HMGCLL1: variants seen among roughly 807,000 people sequenced by gnomAD.
HMGCLL1 encodes 3-hydroxy-3-methylglutaryl-CoA lyase like 1.
HMGCLL1 carries 36 observed loss-of-function variants against 39.1 expected under a neutral mutation model. The ratio of observed to expected loss-of-function variants is 0.92; its 90% CI spans 0.71 to 1.22. The LOEUF (loss-of-function observed/expected upper bound fraction) is 1.22. Ranked by LOEUF, HMGCLL1 falls within the 50% of genes most tolerant of loss-of-function variation. The pLI is 0.00. For synonymous variants in HMGCLL1, 149 were observed against 144.0 expected, an observed-to-expected ratio of 1.03 and a Z score of -0.25; for missense variants, 451 against 416.5, an observed-to-expected ratio of 1.08 and a Z score of -0.72.
At chr6:55,673,388 T>C in the HMGCLL1 span, among the ~76,000 whole-genome samples, 7 of 151,900 alleles carry the variant, frequency 4.6e-5, 1 homozygote, top group African/African-American at 1.4e-4. Context: ...ATGCTCTCCC[T>C]GTGTCCAATG....
At chr6:55,544,199 T>C (rs1769821031) in intron 1 of HMGCLL1, among the ~76,000 whole-genome samples, 1 of 152,258 alleles carries the variant, frequency 6.6e-6, no homozygotes. Flanking sequence ...GCAAATGGTC[T>C]GGTTTCTGAA....
At chr6:55,478,086 T>C (rs906193351) in intron 7 of HMGCLL1, among the ~76,000 whole-genome samples, 1 of 98,292 alleles carries the variant, frequency 1.0e-5, no homozygotes, top group Non-Finnish European at 2.5e-5. Flanking sequence ...AGTGAGGTTC[T>C]GTTTTTTTTT....
At chr6:55,646,095 T>C in the HMGCLL1 span, among the ~76,000 whole-genome samples, 17,027 of 151,886 alleles carry the variant, frequency 0.11, 1,133 homozygotes, top group East Asian at 0.17. Flanking sequence ...TGTTCAGGTA[T>C]TGGATTTATT....
chr6:55,597,283 A>G, the HMGCLL1 span, among the ~76,000 whole-genome samples: 1 of 152,126 alleles, frequency 6.6e-6, no homozygotes, highest in African/African-American at 2.4e-5. Flanking sequence ...TACTTTTAAA[A>G]AGATTATAAA....
At chr6:55,608,023 A>G in the HMGCLL1 span, among the ~76,000 whole-genome samples, 1 of 152,220 alleles carries the variant, frequency 6.6e-6, no homozygotes, top group East Asian at 1.9e-4. Flanking sequence ...AGCTAATTCC[A>G]GTCCTCTTTT....
the HMGCLL1 span, among the ~76,000 whole-genome samples, chr6:55,613,315 G>A: frequency 3.2e-4 from 49 of 152,300 alleles, no homozygotes; most frequent in Admixed American, 9.8e-4. Context: ...TGAGGCTGTG[G>A]AGAAATCGGA....
the HMGCLL1 span, among the ~76,000 whole-genome samples, chr6:55,675,534 G>A: frequency 6.6e-6 from 1 of 152,058 alleles, no homozygotes; most frequent in African/African-American, 2.4e-5. Flanking sequence ...TCTAAAGGAT[G>A]TAATGCCTAG....
rs563682407 is a variant in HMGCLL1 at position 55,526,179 on chromosome 6, T to C, written c.298-9576A>G. Among the ~76,000 whole-genome samples the C allele has an allele frequency of 3.9e-5, 6 of 152,094 alleles. No homozygotes were observed. The East Asian group carries it at 9.7e-4, about 25-fold the overall frequency. Reference sequence around the variant, plus strand: ...TTCTTAACAGCTCACCTCACTCTTATTGAAGTGCTCCCAGCTTGCCTTTGA... The same window carrying C: ...TTCTTAACAGCTCACCTCACTCTTACTGAAGTGCTCCCAGCTTGCCTTTGA... On this transcript the variant is annotated intron_variant, in intron 3 of 8. Transcript: ENST00000274901.
rs748057333 is a variant in HMGCLL1, at chr6:55,578,971, C to A, written c.85G>T (p.Ala29Ser). The A allele has an allele frequency of 3.6e-5, 58 of 1,613,196 alleles. No individual in the cohort carries two copies. The highest frequency in any genetic ancestry group is 4.8e-5 in the Non-Finnish European group (57 of 1,179,704). Residue 29 changes from alanine (A) to serine (S), a missense_variant, in exon 1 of 9, where the codon GCA becomes TCA. Coordinates refer to ENST00000274901, the MANE Select transcript of HMGCLL1 (RefSeq NM_001042406.2). Reference sequence around the variant, plus strand: ...ACCTGCGCGGGGTCGAGCGCCCCTGCCACTGAATCCCCGATCCAGAGATGC... The same window carrying A: ...ACCTGCGCGGGGTCGAGCGCCCCTGACACTGAATCCCCGATCCAGAGATGC... ...REHLWIGDSV[A>S]GALDPAQETS... is the part of the protein sequence containing the mutation.
At chr6:55,437,046 T>G (rs1282094180) in intron 8 of HMGCLL1, among the ~76,000 whole-genome samples, 1 of 152,044 alleles carries the variant, frequency 6.6e-6, no homozygotes, top group African/African-American at 2.4e-5. Flanking sequence ...CAGAAAGATT[T>G]TTGTCATTAA....
At chr6:55,481,276 GCT>G (rs1765730215) in intron 7 of HMGCLL1, among the ~76,000 whole-genome samples, 1 of 151,936 alleles carries the variant, frequency 6.6e-6, no homozygotes, top group South Asian at 2.1e-4. Flanking sequence ...TACTTGGGAG[GCT>G]GAGGTGGGAG....
At chr6:55,626,850 G>A in the HMGCLL1 span, among the ~76,000 whole-genome samples, 1 of 151,796 alleles carries the variant, frequency 6.6e-6, no homozygotes, top group Non-Finnish European at 1.5e-5. Flanking sequence ...TGATTGACCT[G>A]GACTATCAAG....
chr6:55,513,117 G>A (rs563900070), intron 5 of HMGCLL1: 2 of 152,060 alleles, frequency 1.3e-5, no homozygotes, highest in South Asian at 4.1e-4. Flanking sequence ...TTCCATTTCT[G>A]CTTTCTACTA....
rs548981915 is a variant in HMGCLL1 at position 55,541,081 on chromosome 6, C to T, written c.297+648G>A. Among the ~76,000 whole-genome samples, 4 of 152,188 alleles carry T rather than the reference C, an allele frequency of 2.6e-5. 1 individual carries two copies. The highest frequency in any genetic ancestry group is 9.6e-5 in the African/African-American group (4 of 41,524). On this transcript the variant is annotated intron_variant, in intron 3 of 8. Transcript: ENST00000274901. ...GGGATCCAAGGACTGAGAACAGACA[C>T]TGGATTAGGAAGAGTGTTTTACTGG...
At chr6:55,560,528 C>T (rs2127470217) in intron 1 of HMGCLL1, among the ~76,000 whole-genome samples, 1 of 152,144 alleles carries the variant, frequency 6.6e-6, no homozygotes, top group Non-Finnish European at 1.5e-5. Flanking sequence ...TTCCATAATC[C>T]CTCTGTTCCA....
chr6:55,584,802 T>A, the HMGCLL1 span, among the ~76,000 whole-genome samples: 31 of 152,144 alleles, frequency 2.0e-4, no homozygotes, highest in East Asian at 5.6e-3. Context: ...GTAGCCAAGA[T>A]ACCTATTGGG....
chr6:55,611,007 G>T, the HMGCLL1 span, among the ~76,000 whole-genome samples: 2 of 152,126 alleles, frequency 1.3e-5, no homozygotes, highest in Non-Finnish European at 2.9e-5. Flanking sequence ...CACATAATTG[G>T]AAGTAAAACA....
chr6:55,622,244 A>G, the HMGCLL1 span, among the ~76,000 whole-genome samples: 1 of 152,006 alleles, frequency 6.6e-6, no homozygotes, highest in South Asian at 2.1e-4. Flanking sequence ...CTTCCTTTCC[A>G]ATTTGGATGC....
intron 3 of HMGCLL1, among the ~76,000 whole-genome samples, chr6:55,525,798 G>A (rs1768285887): frequency 6.6e-6 from 1 of 151,940 alleles, no homozygotes; most frequent in Non-Finnish European, 1.5e-5. Context: ...TTATATGCAT[G>A]GTTTAGAAAA....
Sources: allele counts gnomAD v4.1 joint callset (sites outside exome capture counted in the v4.1 genomes callset), GRCh38; gene constraint gnomAD v4.1.1; transcripts MANE v1.5; gene names NCBI Gene and HGNC (gene_info 2026-07-23, HGNC 2026-07-21).